Variants in STON1 observed in about 807,000 individuals in gnomAD.
STON1 encodes the protein stonin 1.
In STON1, 79 loss-of-function variants were observed where a neutral mutation model predicts 60.9. The ratio of observed to expected loss-of-function variants is 1.30; its 90% CI spans 1.08 to 1.56. STON1 has a LOEUF of 1.56. Ranked by LOEUF, STON1 falls within the 40% of genes most tolerant of loss-of-function variation. STON1 has a pLI of 0.00. For synonymous variants in STON1, 363 were observed against 306.9 expected, an observed-to-expected ratio of 1.18 and a Z score of -1.91; for missense variants, 1,166 against 858.9, an observed-to-expected ratio of 1.36 and a Z score of -4.47.
chr2:48,567,587 T>C (rs1221003566), intron 1 of STON1, among the ~76,000 whole-genome samples: 1 of 152,162 alleles, frequency 6.6e-6, no homozygotes. Context: ...AATTTTTGTA[T>C]TTTTAGTAGA....
chr2:48,591,248 T>C (rs1434748599), intron 2 of STON1, among the ~76,000 whole-genome samples: 1 of 149,682 alleles, frequency 6.7e-6, no homozygotes, highest in Non-Finnish European at 1.5e-5. Flanking sequence ...CAAATTATAT[T>C]AGTATAATAT....
chr2:48,547,770 T>C (rs957787563), intron 1 of STON1, among the ~76,000 whole-genome samples: 2 of 152,166 alleles, frequency 1.3e-5, no homozygotes, highest in East Asian at 3.8e-4. Flanking sequence ...GGAGGTTAAT[T>C]TGCGGTTAAT....
intron 1 of STON1, among the ~76,000 whole-genome samples, chr2:48,579,450 T>C (rs1673746127): frequency 6.6e-6 from 1 of 152,210 alleles, no homozygotes; most frequent in African/African-American, 2.4e-5. Context: ...AGATATTTTC[T>C]AATTTCCTTT....
chr2:48,564,437 C>A (rs1342773286), intron 1 of STON1, among the ~76,000 whole-genome samples: 3 of 47,968 alleles, frequency 6.3e-5, no homozygotes, highest in Non-Finnish European at 1.4e-4. Context: ...TCTTCTTCTT[C>A]TTCTTCTTCT....
chr2:48,581,815 G>A lies in STON1; in HGVS notation c.1182G>A (p.Glu394=). The change falls in exon 2 of 4, where the codon GAG becomes GAA. Residue 394 remains glutamate, a synonymous_variant. Coordinates refer to ENST00000404752, the MANE Select transcript of STON1 (RefSeq NM_006873.4). ...HDFLDFLTTV[E]EELMKLPAVS... is the part of the protein sequence containing the mutation. ...TCCTTGACTTTCTGACTACTGTGGA[G>A]GAGGAGCTGATGAAGTTGCCAGCTG... 6.2e-7 allele frequency: 1 copy of A among 1,614,200 alleles called. No individual in the cohort carries two copies. Among genetic ancestry groups the A allele is most frequent in the African/African-American group, 1.3e-5 (1 of 75,064 alleles).
intron 1 of STON1, among the ~76,000 whole-genome samples, chr2:48,550,252 C>A (rs1672042618): frequency 6.6e-6 from 1 of 152,074 alleles, no homozygotes; most frequent in African/African-American, 2.4e-5. Flanking sequence ...ATTCCCAGCA[C>A]TTTGAGAGGC....
chr2:48,576,994 C>T lies in STON1; in HGVS notation c.-47-3593C>T, dbSNP rs558897392. Reference sequence around the variant, plus strand: ...GCGTGAACCTGGGAGATGGAGCTTGCCGTGAGCCAAGATCGCGCCACTGCA... The same window carrying T: ...GCGTGAACCTGGGAGATGGAGCTTGTCGTGAGCCAAGATCGCGCCACTGCA... On this transcript the variant is annotated intron_variant, in intron 1 of 3. Coordinates refer to ENST00000404752, the MANE Select transcript of STON1 (RefSeq NM_006873.4). 4.0e-5 allele frequency among the ~76,000 whole-genome samples: 6 copies of T among 151,880 alleles called. No individual in the cohort carries two copies. The East Asian group carries it at 1.2e-3, about 30-fold the overall frequency.
At chr2:48,582,838 A>G (rs1673976369) in intron 2 of STON1, among the ~76,000 whole-genome samples, 1 of 152,212 alleles carries the variant, frequency 6.6e-6, no homozygotes, top group African/African-American at 2.4e-5. Flanking sequence ...GCACTAAGAG[A>G]AAATTCGTTG....
rs1020898032 is a variant in STON1 at position 48,598,315 on chromosome 2, A to G, written c.*3013A>G. The G allele has an allele frequency of 6.6e-6, 1 of 152,618 alleles. No homozygotes were observed. The highest frequency in any genetic ancestry group is 2.4e-5 in the African/African-American group (1 of 41,458). The allele number at this position is 152,618 out of a possible 1,614,324, so 9.5% of individuals were successfully genotyped here. On this transcript the variant is annotated 3_prime_UTR_variant, in exon 4 of 4. Transcript: ENST00000404752. Reference sequence around the variant, plus strand: ...TGTTAGTTCCCTTCATTCCAGAGCTATGCTTGTGATACAGCCCCTTTTCTT... The same window carrying G: ...TGTTAGTTCCCTTCATTCCAGAGCTGTGCTTGTGATACAGCCCCTTTTCTT...
intron 1 of STON1, among the ~76,000 whole-genome samples, chr2:48,577,946 A>C (rs1013869625): frequency 6.6e-6 from 1 of 150,694 alleles, no homozygotes; most frequent in Non-Finnish European, 1.5e-5. Flanking sequence ...AAAACCCCCC[A>C]GAGTTTTATA....
At chr2:48,587,184 G>T (rs1009729958) in intron 2 of STON1, among the ~76,000 whole-genome samples, 4 of 152,324 alleles carry the variant, frequency 2.6e-5, no homozygotes, top group African/African-American at 9.6e-5. Context: ...CATGCAGCCG[G>T]GGTTGAGAAC....
chr2:48,573,413 A>G (rs1673318533), intron 1 of STON1, among the ~76,000 whole-genome samples: 1 of 152,138 alleles, frequency 6.6e-6, no homozygotes, highest in South Asian at 2.1e-4. Flanking sequence ...AGCATTTTCC[A>G]CTGGATGTCA....
chr2:48,549,327 C>T (rs570650739), intron 1 of STON1, among the ~76,000 whole-genome samples: 2 of 152,274 alleles, frequency 1.3e-5, no homozygotes, highest in East Asian at 3.9e-4. Context: ...GCAGGAGCCT[C>T]CTTTTGTAAG....
chr2:48,582,608 A>C, intron 2 of STON1, 45 bp downstream of exon 2: 1 of 1,571,024 alleles, frequency 6.4e-7, no homozygotes, highest in South Asian at 1.2e-5. Flanking sequence ...GAAATAGCTT[A>C]AATATTCTTA....
intron 1 of STON1, among the ~76,000 whole-genome samples, chr2:48,543,017 C>T (rs2103761332): frequency 6.8e-6 from 1 of 147,862 alleles, no homozygotes; most frequent in East Asian, 2.0e-4. Flanking sequence ...CTTTATTGCC[C>T]AGGCTGGAGT....
chr2:48,568,733 T>G (rs1307379197), intron 1 of STON1, among the ~76,000 whole-genome samples: 1 of 152,134 alleles, frequency 6.6e-6, no homozygotes, highest in Non-Finnish European at 1.5e-5. Context: ...ATGACCCAAA[T>G]TTGTACTGAG....
intron 1 of STON1, among the ~76,000 whole-genome samples, chr2:48,557,114 C>T (rs1428246638): frequency 8.7e-5 from 9 of 103,348 alleles, no homozygotes; most frequent in South Asian, 4.4e-4. Context: ...GGCTGCCGGG[C>T]GGAGACGCTC....
intron 1 of STON1, among the ~76,000 whole-genome samples, chr2:48,575,429 G>T (rs1673427691): frequency 6.6e-6 from 1 of 152,046 alleles, no homozygotes; most frequent in Admixed American, 6.5e-5. Context: ...CGAGGAGGGT[G>T]GATCACCTGA....
At chr2:48,570,615 G>T (rs986323780) in intron 1 of STON1, among the ~76,000 whole-genome samples, 2 of 152,022 alleles carry the variant, frequency 1.3e-5, no homozygotes, top group Non-Finnish European at 2.9e-5. Context: ...CTAGATCCTT[G>T]TTATTCCTGG....
Sources: gnomAD v4.1 joint callset for allele counts (sites outside exome capture counted in the v4.1 genomes callset) on GRCh38, gnomAD v4.1.1 for gene constraint, MANE v1.5 for transcripts, NCBI Gene and HGNC (gene_info 2026-07-23, HGNC 2026-07-21) for gene names.